BRINP1: variants seen among roughly 807,000 people sequenced by gnomAD.
BRINP1 encodes BMP/retinoic acid-inducible neural-specific protein 1.
In BRINP1, 17 loss-of-function variants were observed where a neutral mutation model predicts 72.9. The ratio of observed to expected loss-of-function variants is 0.23; its 90% CI spans 0.16 to 0.35. The LOEUF (loss-of-function observed/expected upper bound fraction) is 0.35. Ranked by LOEUF, BRINP1 falls within the 10% of genes least tolerant of loss-of-function variation. The pLI, the probability that BRINP1 is intolerant of heterozygous loss-of-function variation, is 1.00. For synonymous variants in BRINP1, 418 were observed against 378.5 expected (o/e 1.10, Z -1.21); for missense variants, 850 against 1,001.6 (o/e 0.85, Z 2.04).
intron 1 of BRINP1, among the ~76,000 whole-genome samples, chr9:119,341,784 GACGGAGTCTC>G (rs1831408920): frequency 6.6e-6 from 1 of 151,988 alleles, no homozygotes; most frequent in Non-Finnish European, 1.5e-5. Context: ...TTATTATTGA[GACGGAGTCTC>G]ACTCTATCAC....
chr9:119,272,523 C>CT (rs1277046332), intron 2 of BRINP1, among the ~76,000 whole-genome samples: 20 of 152,288 alleles, frequency 1.3e-4, no homozygotes, highest in African/African-American at 4.8e-4. Flanking sequence ...CCCTAGAACG[C>CT]TGGGAAGAAT....
chr9:119,226,349 C>T (rs1667039272), intron 5 of BRINP1, among the ~76,000 whole-genome samples: 1 of 152,052 alleles, frequency 6.6e-6, no homozygotes, highest in African/African-American at 2.4e-5. Flanking sequence ...TCTAATGGGA[C>T]ATGGTTGTTA....
intron 2 of BRINP1, among the ~76,000 whole-genome samples, chr9:119,292,906 C>A (rs971378612): frequency 2.6e-5 from 4 of 152,098 alleles, no homozygotes; most frequent in Non-Finnish European, 5.9e-5. Flanking sequence ...AGTTTAGAAC[C>A]AAGGTTACTA....
chr9:119,270,145 C>T (rs1830593006), intron 2 of BRINP1, among the ~76,000 whole-genome samples: 1 of 151,742 alleles, frequency 6.6e-6, no homozygotes, highest in South Asian at 2.1e-4. Context: ...GAGGAGACAC[C>T]AGGAAACCTG....
intron 1 of BRINP1, among the ~76,000 whole-genome samples, chr9:119,326,680 T>G (rs1831244762): frequency 6.6e-6 from 1 of 152,082 alleles, no homozygotes; most frequent in Admixed American, 6.6e-5. Flanking sequence ...TATTTTGGAG[T>G]GTTTATTGTA....
chr9:119,354,328 T>C (rs1416271691), intron 1 of BRINP1, among the ~76,000 whole-genome samples: 2 of 152,196 alleles, frequency 1.3e-5, no homozygotes, highest in African/African-American at 4.8e-5. Flanking sequence ...TTTCAAGTCA[T>C]GTTTTAAAGC....
At chr9:119,251,782 C>A (rs978024893) in intron 2 of BRINP1, among the ~76,000 whole-genome samples, 4 of 152,062 alleles carry the variant, frequency 2.6e-5, no homozygotes, top group Non-Finnish European at 4.4e-5. Flanking sequence ...ACCTTGACAG[C>A]CAGCTGAGAC....
chr9:119,333,523 A>T (rs537554148), intron 1 of BRINP1, among the ~76,000 whole-genome samples: 1 of 152,060 alleles, frequency 6.6e-6, no homozygotes, highest in African/African-American at 2.4e-5. Context: ...AAAAAAAAAT[A>T]AATTTTCCCC....
At chr9:119,198,728 G>C (rs1050056569) in intron 7 of BRINP1, among the ~76,000 whole-genome samples, 1 of 150,432 alleles carries the variant, frequency 6.6e-6, no homozygotes, top group African/African-American at 2.5e-5. Flanking sequence ...CTTGAGTGTA[G>C]TAGCGTGATC....
intron 2 of BRINP1, among the ~76,000 whole-genome samples, chr9:119,260,904 T>C (rs1019056350): frequency 1.3e-5 from 2 of 152,182 alleles, no homozygotes; most frequent in Non-Finnish European, 2.9e-5. Flanking sequence ...GAAGGCATCA[T>C]CAATTTTCCT....
chr9:119,323,010 C>T (rs1272143252), intron 1 of BRINP1, among the ~76,000 whole-genome samples: 1 of 152,186 alleles, frequency 6.6e-6, no homozygotes, highest in Non-Finnish European at 1.5e-5. Context: ...AACAGGCAAC[C>T]AAAATGCACT....
intron 3 of BRINP1, among the ~76,000 whole-genome samples, chr9:119,246,477 G>A (rs934604426): frequency 6.6e-6 from 1 of 152,140 alleles, no homozygotes; most frequent in Non-Finnish European, 1.5e-5. Context: ...TTTGGGACTC[G>A]GACTTGCTTC....
intron 7 of BRINP1, among the ~76,000 whole-genome samples, chr9:119,177,695 T>A (rs1212273071): frequency 6.6e-6 from 1 of 152,150 alleles, no homozygotes; most frequent in Non-Finnish European, 1.5e-5. Flanking sequence ...ACTCTCAGAA[T>A]CCTCGGTGAG....
intron 2 of BRINP1, among the ~76,000 whole-genome samples, chr9:119,285,201 C>CA (rs58381406): frequency 0.051 from 6,124 of 121,010 alleles, 273 homozygotes; most frequent in African/African-American, 0.13. Context: ...TTGCAGGCAT[C>CA]AAAAAAAAAA....
intron 1 of BRINP1, among the ~76,000 whole-genome samples, chr9:119,338,863 C>T (rs1439865533): frequency 1.3e-5 from 2 of 149,112 alleles, no homozygotes; most frequent in African/African-American, 5.0e-5. Context: ...CCAGCCCTGG[C>T]GACACAGGGA....
At chr9:119,222,168 A>G (rs562703862) in intron 5 of BRINP1, among the ~76,000 whole-genome samples, 6 of 152,164 alleles carry the variant, frequency 3.9e-5, no homozygotes, top group Non-Finnish European at 8.8e-5. Flanking sequence ...GATAGGGGCC[A>G]TCGGAGGAGC....
chr9:119,339,736 G>A (rs527391145), intron 1 of BRINP1, among the ~76,000 whole-genome samples: 17 of 152,244 alleles, frequency 1.1e-4, no homozygotes, highest in Middle Eastern at 6.8e-3. Flanking sequence ...TTCACCCACC[G>A]TCACACAACT....
rs570927877 is a variant in BRINP1 at position 119,284,012 on chromosome 9, T to C, written c.218+29126A>G. Among the ~76,000 whole-genome samples the C allele has an allele frequency of 4.6e-5, 7 of 152,334 alleles. No individual in the cohort carries two copies. In the South Asian group the frequency reaches 6.2e-4, roughly 14 times the overall value. On this transcript the variant is annotated intron_variant, in intron 2 of 7. Transcript: ENST00000265922. ...AATTGCAGAATTCCCAGGTCCCACC[T>C]GAGACCGAATGAATCCAAATCTATA...
At position 119,227,626 on chromosome 9, in the gene BRINP1, A is replaced by G. The variant is rs1373867167; in HGVS notation, c.685+11029T>C. Among the ~76,000 whole-genome samples, 16 of 152,056 alleles carry G rather than the reference A, an allele frequency of 1.1e-4. 1 individual carries two copies. Among genetic ancestry groups the G allele is most frequent in the Non-Finnish European group, 2.9e-5 (2 of 67,966 alleles). ...CAGGTCCCTGCTAACTGGACAAGAG[A>G]GGCTGTAGGCATGAGCCATTGCTTG... On this transcript the variant is annotated intron_variant, in intron 5 of 7. Transcript: ENST00000265922.
Sources: allele counts gnomAD v4.1 joint callset (sites outside exome capture counted in the v4.1 genomes callset), GRCh38; gene constraint gnomAD v4.1.1; transcripts MANE v1.5; gene names NCBI Gene and HGNC (gene_info 2026-07-23, HGNC 2026-07-21).